The following SPA17 variants were observed in gnomAD, a reference collection of about 807,000 sequenced individuals.
SPA17 encodes the protein sperm surface protein Sp17.
SPA17 carries 7 observed loss-of-function variants against 13.8 expected under a neutral mutation model. The ratio of observed to expected loss-of-function variants is 0.51; its 90% CI spans 0.29 to 0.95. The LOEUF is 0.95. Ranked by LOEUF, SPA17 falls within the 40% of genes least tolerant of loss-of-function variation. The pLI is 0.08. For missense variants in SPA17, 170 were observed against 179.3 expected (o/e 0.95, Z 0.30); for synonymous variants, 61 against 59.0 (o/e 1.03, Z -0.16).
chr11:124,681,691 T>C (rs1200491469), intron 3 of SPA17, among the ~76,000 whole-genome samples: 1 of 152,030 alleles, frequency 6.6e-6, no homozygotes, highest in Admixed American at 6.5e-5. Context: ...ATTAAAATTG[T>C]GCTGGGATTT....
At chr11:124,681,591 A>G (rs1257163024) in intron 3 of SPA17, 132 bp downstream of exon 3, 2 of 335,026 alleles carry the variant, frequency 6.0e-6, no homozygotes, top group Non-Finnish European at 1.0e-5. Context: ...ATCTTATTAA[A>G]TTAAAATTTA....
At chr11:124,689,255 A>C (rs1004873969) in intron 3 of SPA17, among the ~76,000 whole-genome samples, 1 of 152,246 alleles carries the variant, frequency 6.6e-6, no homozygotes, top group Non-Finnish European at 1.5e-5. Context: ...TGGTCTAGGC[A>C]AAGAATGTAT....
In SPA17 at chr11:124,697,384, G is replaced by A. The variant is rs1232448970; in HGVS notation, c.*2938G>A. 1 of 152,314 alleles carries A rather than the reference G, an allele frequency of 6.6e-6. No homozygotes were observed. Among genetic ancestry groups the A allele is most frequent in the Admixed American group, 6.5e-5 (1 of 15,276 alleles). 9.4% of individuals were successfully genotyped at this position (152,314 alleles called of 1,614,324 possible). Reference sequence around the variant, plus strand: ...GCTGTGGGCCCAAGGGTCAGCTGCAGCACAGTGCCTCTGCTTCACGTGTCC... The same window carrying A: ...GCTGTGGGCCCAAGGGTCAGCTGCAACACAGTGCCTCTGCTTCACGTGTCC... On this transcript the variant is annotated 3_prime_UTR_variant, in exon 5 of 5. Transcript: ENST00000227135.
At position 124,694,295 on chromosome 11, in the gene SPA17, C is replaced by T. The variant is rs756118694; in HGVS notation, c.313-8C>T. ...AAGAGTCTCTTACTTTTTCTCCTTT[C>T]GATGAAGGACTCTTCTGAGGAAGAT... On this transcript the variant is annotated splice_region_variant and splice_polypyrimidine_tract_variant and intron_variant, in intron 4 of 4. Transcript: ENST00000227135. 25 of 1,603,734 alleles carry T rather than the reference C, an allele frequency of 1.6e-5. No individual in the cohort carries two copies. The Admixed American group carries it at 2.3e-4, about 15-fold the overall frequency.
chr11:124,691,600 A>C, intron 3 of SPA17, 96 bp from the exon 4 acceptor site: 1 of 566,446 alleles, frequency 1.8e-6, no homozygotes, highest in South Asian at 4.2e-5. Flanking sequence ...ATTTCTCAGT[A>C]ATTTAAAGTA....
chr11:124,673,907 T>G lies in SPA17; in HGVS notation c.-73T>G, dbSNP rs7927406. 0.07 allele frequency: 41,530 copies of G among 596,970 alleles called. 5,371 individuals carry two copies. The highest frequency in any genetic ancestry group is 0.42 in the African/African-American group (21,847 of 52,186). The allele number at this position is 596,970 out of a possible 1,614,324, so 37.0% of individuals were successfully genotyped here. On this transcript the variant is annotated 5_prime_UTR_variant, in exon 1 of 5. Coordinates refer to ENST00000227135, the MANE Select transcript of SPA17 (RefSeq NM_017425.4). ...AAAGAAAAAACGGTTACCCAGCAAC[T>G]AGAAAAACAACCGGAACCGGCGGCA...
intron 3 of SPA17, among the ~76,000 whole-genome samples, chr11:124,686,789 C>T (rs1462250949): frequency 6.6e-6 from 1 of 151,986 alleles, no homozygotes; most frequent in African/African-American, 2.4e-5. Flanking sequence ...CTATGGTATA[C>T]AGAAAAAGTA....
chr11:124,683,903 C>G (rs1161851541), intron 3 of SPA17, among the ~76,000 whole-genome samples: 1 of 152,176 alleles, frequency 6.6e-6, no homozygotes, highest in Non-Finnish European at 1.5e-5. Context: ...ACACCCCACT[C>G]ATAGCATTAG....
Position 124,691,396 on chromosome 11 carries a change from G to C in SPA17, c.226-300G>C, listed in dbSNP as rs527450321. Among the ~76,000 whole-genome samples the C allele has an allele frequency of 9.2e-5, 14 of 152,152 alleles. No individual in the cohort carries two copies. In the East Asian group the frequency reaches 2.7e-3, roughly 29 times the overall value. On this transcript the variant is annotated intron_variant, in intron 3 of 4. Coordinates refer to ENST00000227135, the MANE Select transcript of SPA17 (RefSeq NM_017425.4). ...CATTACATCATCTTATCAACTTTTA[G>C]TATAGGACAGTGGTTTATTTTTAAC...
In SPA17 at chr11:124,675,335, C is replaced by T. The variant is rs1943447797; in HGVS notation, c.71C>T (p.Thr24Ile). The change falls in exon 2 of 5, where the codon ACA (threonine) becomes ATA (isoleucine). Residue 24 changes from threonine to isoleucine, a missense_variant. Transcript: ENST00000227135. ...QGFGNLLEGL[T>I]REILREQPDN... ...TTTGGGAATCTTCTTGAAGGGCTGA[C>T]ACGCGAGATTCTGAGAGAGCAACCG... is the stretch of plus-strand genomic sequence containing the variant. 1 of 1,613,884 alleles carries T rather than the reference C, an allele frequency of 6.2e-7. No homozygotes were observed. The highest frequency in any genetic ancestry group is 8.5e-7 in the Non-Finnish European group (1 of 1,179,882).
intron 3 of SPA17, among the ~76,000 whole-genome samples, chr11:124,684,189 A>G (rs1461746372): frequency 6.6e-6 from 1 of 152,188 alleles, no homozygotes; most frequent in Admixed American, 6.6e-5. Context: ...CTGTGAATCA[A>G]TTAAACCTCT....
chr11:124,684,424 G>A (rs1406815934), intron 3 of SPA17, among the ~76,000 whole-genome samples: 1 of 152,132 alleles, frequency 6.6e-6, no homozygotes, highest in Non-Finnish European at 1.5e-5. Flanking sequence ...ACCATGCCCA[G>A]CTAATTTTTG....
In SPA17 at chr11:124,695,410, G is replaced by A. The variant is rs888734522; in HGVS notation, c.*964G>A. The A allele has an allele frequency of 6.8e-6, 1 of 148,134 alleles. No individual in the cohort carries two copies. The highest frequency in any genetic ancestry group is 2.6e-5 in the African/African-American group (1 of 38,766). 9.2% of individuals were successfully genotyped at this position (148,134 alleles called of 1,614,324 possible). A position where few individuals can be genotyped will look rare whatever the true frequency, so the allele number is the denominator to read the frequency against. ...TTTTAAATATACAATGGTAATGCCTGTTTAACAAACTCAGAGGCTTTATCT... is the reference window on the plus strand; with the variant it reads ...TTTTAAATATACAATGGTAATGCCTATTTAACAAACTCAGAGGCTTTATCT... On this transcript the variant is annotated 3_prime_UTR_variant, in exon 5 of 5. Coordinates refer to ENST00000227135, the MANE Select transcript of SPA17 (RefSeq NM_017425.4).
chr11:124,690,786 A>G (rs1334579670), intron 3 of SPA17, among the ~76,000 whole-genome samples: 1 of 152,216 alleles, frequency 6.6e-6, no homozygotes, highest in Non-Finnish European at 1.5e-5. Context: ...AGCAGATATT[A>G]GAATTGAAAA....
chr11:124,690,274 A>G (rs1288357967), intron 3 of SPA17, among the ~76,000 whole-genome samples: 1 of 152,240 alleles, frequency 6.6e-6, no homozygotes, highest in African/African-American at 2.4e-5. Context: ...ATGGAATACA[A>G]TTCAGCCATA....
At chr11:124,684,264 T>C (rs1016263775) in intron 3 of SPA17, among the ~76,000 whole-genome samples, 2 of 149,398 alleles carry the variant, frequency 1.3e-5, no homozygotes, top group Non-Finnish European at 2.9e-5. Context: ...ACTAATACAG[T>C]AATTTTTTTT....
chr11:124,694,458 T>G lies in SPA17; in HGVS notation c.*12T>G. On this transcript the variant is annotated 3_prime_UTR_variant, in exon 5 of 5. Coordinates refer to ENST00000227135, the MANE Select transcript of SPA17 (RefSeq NM_017425.4). ...AGGAAAACAAGTGAGGACACTGGTT[T>G]TACCTCCAGGAAACATGAAAAATAA... 1 of 1,590,386 alleles carries G rather than the reference T, an allele frequency of 6.3e-7. No homozygotes were observed.
At chr11:124,689,282 G>A (rs1267963455) in intron 3 of SPA17, among the ~76,000 whole-genome samples, 1 of 152,132 alleles carries the variant, frequency 6.6e-6, no homozygotes, top group Non-Finnish European at 1.5e-5. Context: ...GATCACAAAA[G>A]CACAGGCAAC....
At chr11:124,689,843 A>C (rs936984718) in intron 3 of SPA17, among the ~76,000 whole-genome samples, 5 of 152,208 alleles carry the variant, frequency 3.3e-5, no homozygotes, top group African/African-American at 1.2e-4. Context: ...ACAGATGTCC[A>C]ACAGGTATAT....
Sources: allele counts gnomAD v4.1 joint callset (sites outside exome capture counted in the v4.1 genomes callset), GRCh38; gene constraint gnomAD v4.1.1; transcripts MANE v1.5; gene names NCBI Gene and HGNC (gene_info 2026-07-23, HGNC 2026-07-21).